DISC1: variants seen among roughly 807,000 people sequenced by gnomAD.
DISC1 encodes the protein disrupted in schizophrenia 1 protein.
DISC1 carries 57 observed loss-of-function variants against 84.5 expected under a neutral mutation model. That is an observed-to-expected ratio of 0.67 (90% CI 0.55 to 0.84). The LOEUF (loss-of-function observed/expected upper bound fraction) is 0.84. DISC1 is among the 40% of genes least tolerant of loss of function. The pLI, the probability that DISC1 is intolerant of heterozygous loss-of-function variation, is 0.00. For synonymous variants in DISC1, 411 were observed against 415.2 expected (o/e 0.99, Z 0.12); for missense variants, 1,000 against 1,057.8 (o/e 0.95, Z 0.76).
intron 9 of DISC1, among the ~76,000 whole-genome samples, chr1:231,835,873 G>A (rs940870642): frequency 6.6e-6 from 1 of 152,176 alleles, no homozygotes; most frequent in African/African-American, 2.4e-5. Flanking sequence ...AACTTCTTAA[G>A]GCATTAGGGT....
chr1:231,905,912 G>A (rs536246251), intron 9 of DISC1, among the ~76,000 whole-genome samples: 9 of 152,074 alleles, frequency 5.9e-5, no homozygotes, highest in South Asian at 4.2e-4. Flanking sequence ...GAGGAACAGC[G>A]GGTCAACAAC....
At chr1:231,795,137 G>A (rs934324498) in intron 6 of DISC1, 105 bp from the exon 7 acceptor site, 10 of 1,084,964 alleles carry the variant, frequency 9.2e-6, no homozygotes, top group Non-Finnish European at 1.3e-5. Flanking sequence ...GCACTTCTTC[G>A]TCCATCAGAC....
At chr1:232,033,412 T>C (rs1168441161) in intron 12 of DISC1, among the ~76,000 whole-genome samples, 4 of 152,232 alleles carry the variant, frequency 2.6e-5, no homozygotes, top group African/African-American at 7.2e-5. Flanking sequence ...AACTGGTCAC[T>C]CTGTGCTTCC....
At chr1:232,021,466 T>C (rs968613489) in intron 11 of DISC1, among the ~76,000 whole-genome samples, 5 of 152,140 alleles carry the variant, frequency 3.3e-5, no homozygotes, top group Admixed American at 6.5e-5. Context: ...CAGTGGTCAC[T>C]TGTTGTAATG....
chr1:231,992,193 T>C (rs371707399), intron 10 of DISC1, among the ~76,000 whole-genome samples: 21 of 152,334 alleles, frequency 1.4e-4, no homozygotes, highest in East Asian at 5.8e-4. Context: ...ATTACTTTCC[T>C]AAAAAAGGCA....
At chr1:231,689,218 A>G (rs748474107) in intron 1 of DISC1, among the ~76,000 whole-genome samples, 2 of 152,076 alleles carry the variant, frequency 1.3e-5, no homozygotes, top group African/African-American at 2.4e-5. Flanking sequence ...TTCTCTTGCT[A>G]TTTGGTGCAT....
chr1:231,970,104 G>T (rs929383475), intron 10 of DISC1, among the ~76,000 whole-genome samples: 5 of 152,068 alleles, frequency 3.3e-5, no homozygotes, highest in African/African-American at 1.2e-4. Flanking sequence ...TAATCCTTTG[G>T]GTATATACCC....
intron 9 of DISC1, among the ~76,000 whole-genome samples, chr1:231,846,212 G>C (rs566472569): frequency 6.6e-6 from 1 of 152,186 alleles, no homozygotes; most frequent in Non-Finnish European, 1.5e-5. Context: ...GTCACTGTTA[G>C]GGCAGAGAGG....
intron 9 of DISC1, among the ~76,000 whole-genome samples, chr1:231,892,190 G>A (rs2126006995): frequency 6.6e-6 from 1 of 152,288 alleles, no homozygotes; most frequent in African/African-American, 2.4e-5. Flanking sequence ...TGCCACAGGT[G>A]GAGGACGTGG....
intron 10 of DISC1, among the ~76,000 whole-genome samples, chr1:231,985,462 G>A (rs971103015): frequency 6.6e-6 from 1 of 152,052 alleles, no homozygotes; most frequent in Non-Finnish European, 1.5e-5. Flanking sequence ...ACGTTTTCCT[G>A]CCATTCGTAG....
chr1:231,963,678 C>T (rs1176103653), intron 10 of DISC1, among the ~76,000 whole-genome samples: 1 of 152,156 alleles, frequency 6.6e-6, no homozygotes, highest in Non-Finnish European at 1.5e-5. Flanking sequence ...TATAATGTAG[C>T]AGGACAAGCC....
rs144713816 is a variant in DISC1, at chr1:232,027,297, A to C, written c.2425+745A>C. Among the ~76,000 whole-genome samples, 853 of 152,332 alleles carry C rather than the reference A, an allele frequency of 5.6e-3. 7 individuals carry two copies. The highest frequency in any genetic ancestry group is 0.019 in the African/African-American group (805 of 41,576). On this transcript the variant is annotated intron_variant, in intron 12 of 12. Transcript: ENST00000439617. ...TAATGGGCAGTACAGTAACAAAGCAAACAGGACTTTAGATTATTTCCTTTC... is the reference window on the plus strand; with the variant it reads ...TAATGGGCAGTACAGTAACAAAGCACACAGGACTTTAGATTATTTCCTTTC...
intron 1 of DISC1, among the ~76,000 whole-genome samples, chr1:231,683,926 G>T (rs942731785): frequency 2.6e-5 from 4 of 151,906 alleles, no homozygotes; most frequent in Admixed American, 2.6e-4. Context: ...ACTCAACACT[G>T]CCTTTCACAC....
chr1:232,020,323 C>G (rs1668849025), intron 11 of DISC1, among the ~76,000 whole-genome samples: 1 of 152,058 alleles, frequency 6.6e-6, no homozygotes, highest in African/African-American at 2.4e-5. Context: ...GCCTGGGCAA[C>G]AAGAGTGAAA....
intron 9 of DISC1, among the ~76,000 whole-genome samples, chr1:231,878,132 G>A (rs1475733569): frequency 6.6e-6 from 1 of 152,156 alleles, no homozygotes; most frequent in Non-Finnish European, 1.5e-5. Context: ...TATCAGGCAG[G>A]TGCTGGGCTC....
intron 9 of DISC1, among the ~76,000 whole-genome samples, chr1:231,952,695 A>ATATATATATATATATATG (rs1658676990): frequency 9.4e-6 from 1 of 106,252 alleles, no homozygotes; most frequent in African/African-American, 3.3e-5. Flanking sequence ...ATATGTTTAT[A>ATATATATATATATATATG]TATATATATA....
intron 6 of DISC1, among the ~76,000 whole-genome samples, chr1:231,791,635 G>A (rs764045783): frequency 2.6e-5 from 4 of 152,116 alleles, no homozygotes; most frequent in Admixed American, 6.5e-5. Context: ...AAATGTGTTC[G>A]CTAATTTGTT....
At chr1:231,851,305 G>A (rs1005905522) in intron 9 of DISC1, among the ~76,000 whole-genome samples, 1 of 152,124 alleles carries the variant, frequency 6.6e-6, no homozygotes, top group Non-Finnish European at 1.5e-5. Context: ...GTTCTGAGTG[G>A]GTAATTCGCC....
At chr1:231,894,134 A>G (rs1171757556) in intron 9 of DISC1, among the ~76,000 whole-genome samples, 1 of 152,238 alleles carries the variant, frequency 6.6e-6, no homozygotes, top group Non-Finnish European at 1.5e-5. Context: ...ACGATCTTCT[A>G]ATATAAACTT....
Sources: gnomAD v4.1 joint callset for allele counts (sites outside exome capture counted in the v4.1 genomes callset) on GRCh38, gnomAD v4.1.1 for gene constraint, MANE v1.5 for transcripts, NCBI Gene and HGNC (gene_info 2026-07-23, HGNC 2026-07-21) for gene names.